TRPC4: variants seen among roughly 807,000 people sequenced by gnomAD.
TRPC4 encodes short transient receptor potential channel 4.
A neutral mutation model predicts 99.4 loss-of-function variants in TRPC4; 49 were observed. The ratio of observed to expected loss-of-function variants is 0.49; its 90% CI spans 0.39 to 0.63. TRPC4 has a LOEUF of 0.63. TRPC4 is among the 20% of genes least tolerant of loss of function. The pLI is 0.00. For synonymous variants in TRPC4, 454 were observed against 425.9 expected, an observed-to-expected ratio of 1.07 and a Z score of -0.81; for missense variants, 898 against 1,152.9, an observed-to-expected ratio of 0.78 and a Z score of 3.20.
intron 1 of TRPC4, among the ~76,000 whole-genome samples, chr13:37,868,452 G>A (rs1959920759): frequency 6.6e-6 from 1 of 151,966 alleles, no homozygotes. Context: ...TACTCTCAAT[G>A]TCTAATTTAG....
At chr13:37,845,366 A>G (rs909453081) in intron 1 of TRPC4, among the ~76,000 whole-genome samples, 3 of 152,188 alleles carry the variant, frequency 2.0e-5, no homozygotes, top group African/African-American at 7.2e-5. Flanking sequence ...TACTCAAAGA[A>G]GTTCAGGAAA....
intron 1 of TRPC4, among the ~76,000 whole-genome samples, chr13:37,865,290 C>T (rs1328341656): frequency 6.6e-6 from 1 of 151,426 alleles, no homozygotes; most frequent in Admixed American, 6.6e-5. Flanking sequence ...TAGTATAAAC[C>T]TAACATGGCC....
chr13:37,657,321 T>A (rs1952272022), intron 6 of TRPC4, among the ~76,000 whole-genome samples: 1 of 152,180 alleles, frequency 6.6e-6, no homozygotes, highest in East Asian at 1.9e-4. Flanking sequence ...ATTCCAACAA[T>A]AATAGAGAGA....
At chr13:37,726,666 C>T (rs75411262) in intron 3 of TRPC4, among the ~76,000 whole-genome samples, 15,022 of 152,028 alleles carry the variant, frequency 0.099, 847 homozygotes, top group Admixed American at 0.18. Context: ...CAGGAATTGA[C>T]GGAATGAATA....
chr13:37,716,180 G>GT (rs1198332849), intron 3 of TRPC4, among the ~76,000 whole-genome samples: 3 of 152,072 alleles, frequency 2.0e-5, no homozygotes, highest in Non-Finnish European at 2.9e-5. Context: ...TTTGTTATGT[G>GT]TTGTTGGTGT....
rs1009293238 is a variant in TRPC4 at position 37,635,129 on chromosome 13, A to C, written c.*1774T>G. On this transcript the variant is annotated 3_prime_UTR_variant, in exon 11 of 11. Transcript: ENST00000379705. ...TTTTGCACACTTCTCTTGCTTTAGA[A>C]GAAGGGACTCTTATGAAGCATACCA... Among the ~76,000 whole-genome samples the C allele has an allele frequency of 6.6e-5, 10 of 152,160 alleles. No homozygotes were observed. The highest frequency in any genetic ancestry group is 6.6e-4 in the Admixed American group (10 of 15,250).
At chr13:37,797,826 G>A (rs1461493700) in intron 1 of TRPC4, among the ~76,000 whole-genome samples, 4 of 152,088 alleles carry the variant, frequency 2.6e-5, no homozygotes, top group African/African-American at 7.2e-5. Context: ...CAAGTTACTC[G>A]GTTATTTTCC....
At chr13:37,726,211 G>T (rs927117873) in intron 3 of TRPC4, among the ~76,000 whole-genome samples, 3 of 150,450 alleles carry the variant, frequency 2.0e-5, no homozygotes, top group Non-Finnish European at 3.0e-5. Flanking sequence ...AAAAAAAAAA[G>T]TTAGTATTAT....
At chr13:37,829,584 T>C (rs1958351619) in intron 1 of TRPC4, among the ~76,000 whole-genome samples, 1 of 152,206 alleles carries the variant, frequency 6.6e-6, no homozygotes, top group Admixed American at 6.5e-5. Flanking sequence ...AACACTTCAG[T>C]GGTTCCTCAA....
chr13:37,798,339 T>C (rs1957309046), intron 1 of TRPC4, among the ~76,000 whole-genome samples: 1 of 152,128 alleles, frequency 6.6e-6, no homozygotes, highest in African/African-American at 2.4e-5. Context: ...TTCTTAAAAA[T>C]TGAGGAATTA....
At chr13:37,812,890 A>G (rs1289034602) in intron 1 of TRPC4, among the ~76,000 whole-genome samples, 1 of 152,070 alleles carries the variant, frequency 6.6e-6, no homozygotes, top group African/African-American at 2.4e-5. Flanking sequence ...TCCCTTGGAA[A>G]ACAAAAAATG....
intron 3 of TRPC4, among the ~76,000 whole-genome samples, chr13:37,694,026 C>T (rs2138890442): frequency 6.6e-6 from 1 of 152,234 alleles, no homozygotes; most frequent in African/African-American, 2.4e-5. Context: ...GCTTATATAA[C>T]TGTAGAGTAT....
intron 2 of TRPC4, among the ~76,000 whole-genome samples, chr13:37,749,061 A>C (rs905409054): frequency 6.6e-6 from 1 of 152,094 alleles, no homozygotes; most frequent in Admixed American, 6.6e-5. Flanking sequence ...TGTTCTTGTA[A>C]TAGAGAGTTC....
chr13:37,689,756 C>T (rs1208526152), intron 4 of TRPC4, among the ~76,000 whole-genome samples: 1 of 152,162 alleles, frequency 6.6e-6, no homozygotes, highest in African/African-American at 2.4e-5. Context: ...ACTGTTTTCA[C>T]TGGACAAGTA....
chr13:37,667,991 C>G (rs1258994760), intron 5 of TRPC4, among the ~76,000 whole-genome samples: 1 of 152,184 alleles, frequency 6.6e-6, no homozygotes, highest in Non-Finnish European at 1.5e-5. Flanking sequence ...AAGGAAGATG[C>G]CATACGGGTT....
chr13:37,838,814 G>T (rs1456043150), intron 1 of TRPC4, among the ~76,000 whole-genome samples: 1 of 152,036 alleles, frequency 6.6e-6, no homozygotes, highest in Non-Finnish European at 1.5e-5. Flanking sequence ...TTCTACATTT[G>T]CATATACTTG....
At chr13:37,831,634 TG>T (rs1409654485) in intron 1 of TRPC4, among the ~76,000 whole-genome samples, 1 of 152,136 alleles carries the variant, frequency 6.6e-6, no homozygotes, top group Non-Finnish European at 1.5e-5. Context: ...TCAACCTAAG[TG>T]TATATAAATG....
At chr13:37,836,504 T>G (rs1958570165) in intron 1 of TRPC4, among the ~76,000 whole-genome samples, 2 of 152,278 alleles carry the variant, frequency 1.3e-5, no homozygotes, top group East Asian at 1.9e-4. Context: ...AGAAAATTTT[T>G]GGGAACTGGA....
chr13:37,818,924 T>C (rs7989695), intron 1 of TRPC4, among the ~76,000 whole-genome samples: 88,227 of 151,696 alleles, frequency 0.58, 26,697 homozygotes, highest in African/African-American at 0.74. Context: ...ACGTTCTGCA[T>C]ATATATCCCA....
Sources: allele counts gnomAD v4.1 joint callset (sites outside exome capture counted in the v4.1 genomes callset), GRCh38; gene constraint gnomAD v4.1.1; transcripts MANE v1.5; gene names NCBI Gene and HGNC (gene_info 2026-07-23, HGNC 2026-07-21).